The following TTLL7 variants were observed in gnomAD, a reference collection of about 807,000 sequenced individuals.
The protein encoded by TTLL7 is tubulin tyrosine ligase like 7, also known as tubulin polyglutamylase TTLL7.
In TTLL7, 53 loss-of-function variants were observed where a neutral mutation model predicts 120.2. The observed-to-expected ratio is 0.44, with a 90% CI of 0.35 to 0.55. The LOEUF (loss-of-function observed/expected upper bound fraction) is 0.55, where lower values mean the gene tolerates loss of function less well. Among genes scored for constraint, TTLL7 ranks in the 20% least tolerant of loss-of-function variants. TTLL7 has a pLI of 0.00. For missense variants in TTLL7, 803 were observed against 1,054.7 expected (o/e 0.76, Z 3.31); for synonymous variants, 353 against 351.7 (o/e 1.00, Z -0.04).
At chr1:83,967,474 G>A (rs909369373) in intron 1 of TTLL7, among the ~76,000 whole-genome samples, 1 of 152,062 alleles carries the variant, frequency 6.6e-6, no homozygotes, top group Non-Finnish European at 1.5e-5. Flanking sequence ...TTAGCTCAGG[G>A]GGAAAGGGCT....
chr1:83,910,891 C>T (rs144331665), intron 15 of TTLL7, among the ~76,000 whole-genome samples: 6 of 152,236 alleles, frequency 3.9e-5, no homozygotes, highest in African/African-American at 1.4e-4. Context: ...CCATGAGGCA[C>T]ATTTTACAAA....
chr1:83,884,245 G>C (rs1571048590), intron 19 of TTLL7, among the ~76,000 whole-genome samples: 2 of 151,692 alleles, frequency 1.3e-5, no homozygotes, highest in African/African-American at 4.8e-5. Context: ...ACTTGGTAAT[G>C]ATTCACATCT....
chr1:83,964,284 G>C (rs915622352), intron 1 of TTLL7, among the ~76,000 whole-genome samples: 1 of 152,034 alleles, frequency 6.6e-6, no homozygotes, highest in African/African-American at 2.4e-5. Flanking sequence ...CAGAGGAAAA[G>C]AACTATTTTT....
At position 83,962,974 on chromosome 1, in the gene TTLL7, T is replaced by C. The variant is rs367823988; in HGVS notation, c.-176-10587A>G. 9.2e-5 allele frequency among the ~76,000 whole-genome samples: 14 copies of C among 152,186 alleles called. 1 individual carries two copies. The East Asian group carries it at 1.7e-3, about 19-fold the overall frequency. Reference sequence around the variant, plus strand: ...AACGCTTCTCTAATAAAAATTATTATTTTGGTTTCTAAAAAACATACATAG... The same window carrying C: ...AACGCTTCTCTAATAAAAATTATTACTTTGGTTTCTAAAAAACATACATAG... On this transcript the variant is annotated intron_variant, in intron 1 of 20. Coordinates refer to ENST00000260505, the MANE Select transcript of TTLL7 (RefSeq NM_024686.6).
At chr1:83,977,195 G>A (rs1354184720) in intron 1 of TTLL7, among the ~76,000 whole-genome samples, 1 of 151,908 alleles carries the variant, frequency 6.6e-6, no homozygotes, top group Non-Finnish European at 1.5e-5. Context: ...ATACTAGTCA[G>A]TATGTAAACA....
intron 9 of TTLL7, 48 bp from the exon 10 acceptor site, chr1:83,929,278 T>C: frequency 1.4e-6 from 2 of 1,401,484 alleles, no homozygotes; most frequent in Non-Finnish European, 2.0e-6. Context: ...AAATATTCAA[T>C]ACATATTTGT....
Position 83,937,870 on chromosome 1 carries a change from C to T in TTLL7, c.870G>A (p.Lys290=). Reference sequence around the variant, plus strand: ...ATCTTACTGAAATATCACTCCAAAACTTAGCAACATCATGTTGATTTGCTT... The same window carrying T: ...ATCTTACTGAAATATCACTCCAAAATTTAGCAACATCATGTTGATTTGCTT... ...FLQANQHDVA[K]FWSDISELVV... is the part of the protein sequence containing the mutation. The change falls in exon 8 of 21, where the codon AAG becomes AAA. Residue 290 remains lysine, a synonymous_variant. Transcript: ENST00000260505. The T allele has an allele frequency of 6.2e-7, 1 of 1,613,990 alleles. No individual in the cohort carries two copies. The highest frequency in any genetic ancestry group is 1.1e-5 in the South Asian group (1 of 91,078).
chr1:83,961,621 T>G (rs933678043), intron 1 of TTLL7, among the ~76,000 whole-genome samples: 1 of 152,074 alleles, frequency 6.6e-6, no homozygotes, highest in African/African-American at 2.4e-5. Context: ...TTAAATAAAG[T>G]TCAAAGCAAA....
At chr1:83,946,673 A>G (rs1210788432) in intron 6 of TTLL7, among the ~76,000 whole-genome samples, 1 of 152,210 alleles carries the variant, frequency 6.6e-6, no homozygotes, top group African/African-American at 2.4e-5. Context: ...CTACATAAAG[A>G]AAAAACTTAT....
At chr1:83,903,027 T>A (rs1656858827) in intron 18 of TTLL7, among the ~76,000 whole-genome samples, 1 of 151,948 alleles carries the variant, frequency 6.6e-6, no homozygotes, top group Admixed American at 6.6e-5. Context: ...CCCGGTTCTA[T>A]TCTTCACAAG....
chr1:83,915,429 A>G (rs1487074042), intron 14 of TTLL7, among the ~76,000 whole-genome samples: 17 of 152,178 alleles, frequency 1.1e-4, no homozygotes, highest in Admixed American at 9.8e-4. Context: ...TGGGAAAACT[A>G]GCTAGCCATA....
intron 1 of TTLL7, among the ~76,000 whole-genome samples, chr1:83,987,022 A>G (rs1431635072): frequency 2.6e-5 from 4 of 151,878 alleles, no homozygotes; most frequent in African/African-American, 9.7e-5. Context: ...AAAACCCTCA[A>G]AGTGAAGAAC....
At chr1:83,881,263 C>T (rs943592641) in intron 20 of TTLL7, among the ~76,000 whole-genome samples, 18 of 150,846 alleles carry the variant, frequency 1.2e-4, no homozygotes, top group African/African-American at 3.9e-4. Context: ...AACTAAAGAG[C>T]TTCTGCAGAG....
At chr1:83,992,263 A>G (rs1414404214) in intron 1 of TTLL7, among the ~76,000 whole-genome samples, 1 of 152,050 alleles carries the variant, frequency 6.6e-6, no homozygotes, top group Non-Finnish European at 1.5e-5. Context: ...CTATTTCCCT[A>G]TCATTATTGT....
chr1:83,935,147 A>G (rs1432758702), intron 8 of TTLL7, among the ~76,000 whole-genome samples: 1 of 152,136 alleles, frequency 6.6e-6, no homozygotes, highest in Non-Finnish European at 1.5e-5. Context: ...AGGTTAACAA[A>G]TTCATGACAG....
intron 5 of TTLL7, among the ~76,000 whole-genome samples, chr1:83,948,086 T>C (rs1648683285): frequency 6.6e-6 from 1 of 151,994 alleles, no homozygotes; most frequent in East Asian, 1.9e-4. Context: ...TGGGTGAGCA[T>C]ATATACATGT....
At chr1:83,900,102 T>C in intron 18 of TTLL7, 1 of 413,718 alleles carries the variant, frequency 2.4e-6, no homozygotes, top group Non-Finnish European at 4.7e-6. Context: ...CATTTAATCA[T>C]CCCATCAATG....
intron 9 of TTLL7, among the ~76,000 whole-genome samples, chr1:83,931,055 A>G (rs2100817807): frequency 6.6e-6 from 1 of 151,602 alleles, no homozygotes; most frequent in East Asian, 1.9e-4. Context: ...ATAAAAGAAA[A>G]ACCACAAATG....
At chr1:83,940,710 A>G (rs774164968) in intron 7 of TTLL7, among the ~76,000 whole-genome samples, 5 of 152,068 alleles carry the variant, frequency 3.3e-5, no homozygotes, top group African/African-American at 4.8e-5. Flanking sequence ...TACTATTTCA[A>G]TTTAAGTCCT....
Sources: allele counts gnomAD v4.1 joint callset (sites outside exome capture counted in the v4.1 genomes callset), GRCh38; gene constraint gnomAD v4.1.1; transcripts MANE v1.5; gene names NCBI Gene and HGNC (gene_info 2026-07-23, HGNC 2026-07-21).